DMXL2: variants seen among roughly 807,000 people sequenced by gnomAD.
DMXL2 encodes Dmx like 2.
A neutral mutation model predicts 331.1 loss-of-function variants in DMXL2; 103 were observed. The ratio of observed to expected loss-of-function variants is 0.31; its 90% CI spans 0.27 to 0.37. DMXL2 has a LOEUF of 0.37. DMXL2 is among the 10% of genes least tolerant of loss of function. The pLI is 1.00. For synonymous variants in DMXL2, 1,281 were observed against 1,252.1 expected (o/e 1.02, Z -0.49); for missense variants, 3,171 against 3,642.9 (o/e 0.87, Z 3.33).
chr15:51,612,557 A>G (rs1411210209), intron 1 of DMXL2, among the ~76,000 whole-genome samples: 2 of 152,182 alleles, frequency 1.3e-5, no homozygotes, highest in African/African-American at 4.8e-5. Context: ...CCGCAAAACC[A>G]GCAAGTTTTT....
chr15:51,535,359 G>C (rs978668749), intron 13 of DMXL2, among the ~76,000 whole-genome samples: 3 of 152,088 alleles, frequency 2.0e-5, no homozygotes, highest in African/African-American at 7.2e-5. Flanking sequence ...TTTAAGCAAA[G>C]TAAGACTAAC....
intron 1 of DMXL2, among the ~76,000 whole-genome samples, chr15:51,580,202 A>C (rs2051312941): frequency 6.6e-6 from 1 of 152,190 alleles, no homozygotes; most frequent in South Asian, 2.1e-4. Context: ...AGAGATCAAA[A>C]GTGATTTTGT....
intron 13 of DMXL2, among the ~76,000 whole-genome samples, chr15:51,534,022 C>T (rs765383758): frequency 6.6e-6 from 1 of 152,142 alleles, no homozygotes; most frequent in Non-Finnish European, 1.5e-5. Context: ...AATAGGTCTA[C>T]ATTTGGACCC....
chr15:51,611,099 T>C (rs2053937912), intron 1 of DMXL2, among the ~76,000 whole-genome samples: 1 of 151,756 alleles, frequency 6.6e-6, no homozygotes, highest in Non-Finnish European at 1.5e-5. Flanking sequence ...TAATATAATA[T>C]AGAAGAAAGG....
intron 1 of DMXL2, among the ~76,000 whole-genome samples, chr15:51,592,982 G>T (rs937096376): frequency 1.3e-5 from 2 of 152,156 alleles, no homozygotes; most frequent in East Asian, 3.8e-4. Context: ...AAAGACCATC[G>T]AGGCTAAGAA....
intron 13 of DMXL2, among the ~76,000 whole-genome samples, chr15:51,523,547 A>G (rs1246779853): frequency 1.3e-5 from 2 of 152,254 alleles, no homozygotes; most frequent in East Asian, 1.9e-4. Flanking sequence ...TCTTGCAGAC[A>G]TAACTAGTTT....
intron 1 of DMXL2, among the ~76,000 whole-genome samples, chr15:51,583,047 G>C (rs1054864005): frequency 1.4e-5 from 2 of 147,566 alleles, no homozygotes; most frequent in Admixed American, 6.7e-5. Context: ...TTTCCACTTA[G>C]TTAACAATGT....
At chr15:51,469,900 T>C (rs1311029822) in intron 29 of DMXL2, among the ~76,000 whole-genome samples, 1 of 152,170 alleles carries the variant, frequency 6.6e-6, no homozygotes, top group Non-Finnish European at 1.5e-5. Context: ...CGGACCCTGA[T>C]AGAGTGTAAA....
intron 1 of DMXL2, among the ~76,000 whole-genome samples, chr15:51,599,350 G>A (rs980638219): frequency 2.0e-5 from 3 of 152,140 alleles, no homozygotes; most frequent in African/African-American, 7.2e-5. Context: ...TGCTACAGGG[G>A]TATCACTGCT....
At chr15:51,578,049 C>T (rs1366254131) in intron 1 of DMXL2, among the ~76,000 whole-genome samples, 2 of 152,080 alleles carry the variant, frequency 1.3e-5, no homozygotes, top group Non-Finnish European at 1.5e-5. Context: ...CTAATTACAA[C>T]TAAATGACAA....
At chr15:51,555,161 A>G (rs184534939) in intron 6 of DMXL2, among the ~76,000 whole-genome samples, 25 of 152,334 alleles carry the variant, frequency 1.6e-4, no homozygotes, top group African/African-American at 6.0e-4. Context: ...CTGTCTCAAA[A>G]AAACAATTTT....
intron 20 of DMXL2, among the ~76,000 whole-genome samples, chr15:51,491,318 G>A (rs1419361189): frequency 6.6e-6 from 1 of 152,086 alleles, no homozygotes; most frequent in African/African-American, 2.4e-5. Flanking sequence ...GCGCACGCCT[G>A]TAGTCCCAGT....
At chr15:51,459,712 T>A in intron 33 of DMXL2, 52 bp from the exon 34 acceptor site, 1 of 1,284,674 alleles carries the variant, frequency 7.8e-7, no homozygotes, top group Non-Finnish European at 1.0e-6. Flanking sequence ...GGAATGAAAT[T>A]ATAAAGACAG....
chr15:51,524,298 T>C (rs2047542264), intron 13 of DMXL2, among the ~76,000 whole-genome samples: 1 of 152,190 alleles, frequency 6.6e-6, no homozygotes, highest in Non-Finnish European at 1.5e-5. Context: ...ATTCCTCAAC[T>C]TGATAAAGAG....
Position 51,471,376 on chromosome 15 carries a change from T to C in DMXL2, c.7239A>G (p.Ile2413Met). ...TGTTAAATCTCCTACGGTGTTTATC[T>C]ATGTCTTCAGAAAGGACAGGAGGTG... Reference protein sequence around the residue: ...ISAPPVLSEDIDKHRRRFNMR... With the variant: ...ISAPPVLSEDMDKHRRRFNMR... Residue 2413 changes from isoleucine (I) to methionine (M), a missense_variant, in exon 29 of 44, where the codon ATA becomes ATG. Physicochemically the swap from Ile to Met is conservative, Grantham distance 10. Transcript: ENST00000560891. 6.2e-7 allele frequency: 1 copy of C among 1,612,554 alleles called. No individual in the cohort carries two copies. Among genetic ancestry groups the C allele is most frequent in the Non-Finnish European group, 8.5e-7 (1 of 1,179,086 alleles).
intron 1 of DMXL2, among the ~76,000 whole-genome samples, chr15:51,617,981 A>G (rs2054389622): frequency 6.6e-6 from 1 of 152,246 alleles, no homozygotes. Flanking sequence ...GTATCCGTTT[A>G]AACAAACAAG....
rs763269833 is a variant in DMXL2 at position 51,466,211 on chromosome 15, T to G, written c.7493A>C (p.Gln2498Pro). 2 of 1,572,436 alleles carry G rather than the reference T, an allele frequency of 1.3e-6. No homozygotes were observed. Among genetic ancestry groups the G allele is most frequent in the South Asian group, 2.5e-5 (2 of 81,224 alleles). The change falls in exon 30 of 44, where the codon CAG becomes CCG. Residue 2498 changes from glutamine (Q) to proline (P), a missense_variant. Transcript: ENST00000560891. ...ATAGGAATTTGGATCTTGGTGCTCC[T>G]GTATTTGTGTATCTGAAAAAAAGGC... ...DDAFFSDTQI[Q>P]EHQDPNSYSW...
intron 13 of DMXL2, among the ~76,000 whole-genome samples, chr15:51,519,335 C>T (rs770514098): frequency 6.6e-6 from 1 of 151,988 alleles, no homozygotes; most frequent in Non-Finnish European, 1.5e-5. Context: ...TCAGGCTAGT[C>T]TCAAACTCTT....
In DMXL2 at chr15:51,480,862, C is replaced by T. The variant is rs2041961440; in HGVS notation, c.6244G>A (p.Ala2082Thr). Reference sequence around the variant, plus strand: ...TGATTACATATCTCATGCAAGGCAGCAATTTCCTTTTCAAGCCAGTTATAG... The same window carrying T: ...TGATTACATATCTCATGCAAGGCAGTAATTTCCTTTTCAAGCCAGTTATAG... ...QLYNWLEKEI[A>T]ALHEICNHES... Residue 2082 changes from alanine (A) to threonine (T), a missense_variant, in exon 24 of 44, where the codon GCT becomes ACT. Coordinates refer to ENST00000560891, the MANE Select transcript of DMXL2 (RefSeq NM_001378457.1). 1 of 1,613,044 alleles carries T rather than the reference C, an allele frequency of 6.2e-7. No homozygotes were observed. The highest frequency in any genetic ancestry group is 8.5e-7 in the Non-Finnish European group (1 of 1,179,574).
Sources: allele counts gnomAD v4.1 joint callset (sites outside exome capture counted in the v4.1 genomes callset), GRCh38; gene constraint gnomAD v4.1.1; transcripts MANE v1.5; gene names NCBI Gene and HGNC (gene_info 2026-07-23, HGNC 2026-07-21).